The following DNAH14 variants were observed in gnomAD, a reference collection of about 807,000 sequenced individuals.
DNAH14 encodes axonemal beta dynein heavy chain 14.
A neutral mutation model predicts 520.9 loss-of-function variants in DNAH14; 478 were observed. The observed-to-expected ratio is 0.92, with a 90% confidence interval of 0.85 to 0.99. The LOEUF (loss-of-function observed/expected upper bound fraction) is 0.99. Ranked by LOEUF, DNAH14 falls within the 50% of genes least tolerant of loss-of-function variation. DNAH14 has a pLI of 0.00. For missense variants in DNAH14, 4,831 were observed against 5,234.5 expected, an observed-to-expected ratio of 0.92 and a Z score of 2.38; for synonymous variants, 1,581 against 1,757.2, an observed-to-expected ratio of 0.90 and a Z score of 2.51.
intron 77 of DNAH14, among the ~76,000 whole-genome samples, chr1:225,369,367 T>A (rs2095589833): frequency 6.6e-6 from 1 of 151,926 alleles, no homozygotes; most frequent in Admixed American, 6.6e-5. Context: ...AATGAAGAAA[T>A]TTTGAAATTA....
intron 42 of DNAH14, among the ~76,000 whole-genome samples, chr1:225,234,231 C>T (rs1301940253): frequency 6.6e-6 from 1 of 151,974 alleles, no homozygotes; most frequent in Non-Finnish European, 1.5e-5. Flanking sequence ...TGATGCTACC[C>T]AGGCTGGAGT....
At chr1:225,086,157 G>A (rs1362439613) in intron 21 of DNAH14, among the ~76,000 whole-genome samples, 1 of 151,516 alleles carries the variant, frequency 6.6e-6, no homozygotes. Flanking sequence ...TTTTGAGACA[G>A]AGTCTTACTC....
rs1558324129 is a variant in DNAH14 at position 225,305,005 on chromosome 1, A to AT, written c.8922dup (p.Thr2975TyrfsTer5). ...TTTGAAGAAACTGGAAGATTTTATT[A>AT]TACCACTCCCAATAGCTACTTGCAA... On this transcript the variant is annotated frameshift_variant, in exon 58 of 86. Coordinates refer to ENST00000682510, the MANE Select transcript of DNAH14 (RefSeq NM_001367479.1). LOFTEE classifies it high-confidence loss of function. 6.5e-7 allele frequency: 1 copy of AT among 1,547,188 alleles called. No individual in the cohort carries two copies. The highest frequency in any genetic ancestry group is 8.7e-7 in the Non-Finnish European group (1 of 1,146,034).
At chr1:225,357,423 A>C (rs2095442467) in intron 73 of DNAH14, among the ~76,000 whole-genome samples, 1 of 152,136 alleles carries the variant, frequency 6.6e-6, no homozygotes, top group Non-Finnish European at 1.5e-5. Flanking sequence ...CATTGGTGAC[A>C]AAAAAATTAT....
At position 224,929,810 on chromosome 1, in the gene DNAH14, A is replaced by G. The variant is rs1442150402; in HGVS notation, c.-59A>G. 1 of 696,486 alleles carries G rather than the reference A, an allele frequency of 1.4e-6. No individual in the cohort carries two copies. 43.1% of individuals were successfully genotyped at this position (696,486 alleles called of 1,614,324 possible). A position where few individuals can be genotyped will look rare whatever the true frequency, so the allele number is the denominator to read the frequency against. ...TTCGCCGCTTCCAGGAAGGGCCACAACGGCCGTCGGACCACGGCGCGGCGG... is the reference window on the plus strand; with the variant it reads ...TTCGCCGCTTCCAGGAAGGGCCACAGCGGCCGTCGGACCACGGCGCGGCGG... On this transcript the variant is annotated 5_prime_UTR_variant, in exon 1 of 86. Transcript: ENST00000682510.
intron 27 of DNAH14, among the ~76,000 whole-genome samples, chr1:225,137,044 T>TCCTG (rs1312869853): frequency 2.0e-5 from 3 of 152,322 alleles, no homozygotes; most frequent in African/African-American, 7.2e-5. Flanking sequence ...GGCTATCAGC[T>TCCTG]CCTGCATTGT....
At chr1:225,012,562 C>T (rs554346784) in intron 10 of DNAH14, among the ~76,000 whole-genome samples, 2 of 152,208 alleles carry the variant, frequency 1.3e-5, no homozygotes, top group Non-Finnish European at 2.9e-5. Flanking sequence ...TGTTTTCCCA[C>T]TGGGTTCCGT....
chr1:225,016,572 T>A (rs2065231773), intron 10 of DNAH14, among the ~76,000 whole-genome samples: 1 of 152,188 alleles, frequency 6.6e-6, no homozygotes, highest in South Asian at 2.1e-4. Context: ...TTATTAGACC[T>A]GGATGTTCAT....
chr1:225,348,810 G>A (rs954481877), intron 71 of DNAH14, among the ~76,000 whole-genome samples: 1 of 152,162 alleles, frequency 6.6e-6, no homozygotes, highest in Non-Finnish European at 1.5e-5. Context: ...AGGTAAATAT[G>A]TGGATAAAGA....
At chr1:224,981,041 A>C (rs538464006) in intron 8 of DNAH14, among the ~76,000 whole-genome samples, 54 of 151,254 alleles carry the variant, frequency 3.6e-4, no homozygotes, top group African/African-American at 1.2e-3. Context: ...CTTTTTCTGC[A>C]TCTATTGAGA....
intron 36 of DNAH14, among the ~76,000 whole-genome samples, chr1:225,172,478 CAGAG>C (rs1001060630): frequency 1.3e-5 from 2 of 152,108 alleles, no homozygotes; most frequent in Admixed American, 1.3e-4. Flanking sequence ...AACAGACAAA[CAGAG>C]AGCCAAATCA....
At chr1:225,250,665 A>AC (rs1171718059) in intron 43 of DNAH14, 9 of 560,226 alleles carry the variant, frequency 1.6e-5, no homozygotes, top group Non-Finnish European at 2.6e-5. Context: ...GGATGGAAGC[A>AC]CTGGGGTCAG....
chr1:225,350,002 T>G (rs1034947718), intron 71 of DNAH14, among the ~76,000 whole-genome samples: 2 of 152,140 alleles, frequency 1.3e-5, no homozygotes, highest in African/African-American at 4.8e-5. Flanking sequence ...TATACATTCT[T>G]CTTAAGTGCA....
At chr1:225,278,706 A>G (rs10465526) in intron 54 of DNAH14, among the ~76,000 whole-genome samples, 5,545 of 152,254 alleles carry the variant, frequency 0.036, 308 homozygotes, top group African/African-American at 0.12. Flanking sequence ...TAAAGTGTAT[A>G]TGCTCTGTTT....
Position 225,079,742 on chromosome 1 carries a change from C to T in DNAH14, c.2766+194C>T, listed in dbSNP as rs998147660. 4.2e-5 allele frequency among the ~76,000 whole-genome samples: 6 copies of T among 143,506 alleles called. No individual in the cohort carries two copies. In the East Asian group the frequency reaches 6.3e-4, roughly 15 times the overall value. The allele number at this position is 143,506 out of a possible 152,430, so 94.1% of individuals were successfully genotyped here. A position where few individuals can be genotyped will look rare whatever the true frequency, so the allele number is the denominator to read the frequency against. On this transcript the variant is annotated intron_variant, in intron 18 of 85. Coordinates refer to ENST00000682510, the MANE Select transcript of DNAH14 (RefSeq NM_001367479.1). ...AGGCTGGACTGCAGTGGCGCAATCT[C>T]GGCTCACTGCAAGCTCCGCCTCCCG...
chr1:225,155,271 C>CA, intron 34 of DNAH14, among the ~76,000 whole-genome samples: 1 of 151,938 alleles, frequency 6.6e-6, no homozygotes, highest in East Asian at 1.9e-4. Context: ...GAATATGTTG[C>CA]AAAAGGATCT....
intron 17 of DNAH14, among the ~76,000 whole-genome samples, chr1:225,078,063 T>A (rs1558880429): frequency 6.6e-6 from 1 of 152,112 alleles, no homozygotes; most frequent in Non-Finnish European, 1.5e-5. Context: ...TATGAAAAAA[T>A]TTTAGTTCCA....
intron 26 of DNAH14, among the ~76,000 whole-genome samples, chr1:225,121,293 A>G (rs1469656643): frequency 1.3e-5 from 2 of 152,130 alleles, no homozygotes; most frequent in Non-Finnish European, 2.9e-5. Flanking sequence ...GCTATTGCGA[A>G]ACATACATTA....
At chr1:224,953,456 C>T (rs1288208426) in intron 2 of DNAH14, among the ~76,000 whole-genome samples, 1 of 151,892 alleles carries the variant, frequency 6.6e-6, no homozygotes, top group Non-Finnish European at 1.5e-5. Flanking sequence ...ATTGAGAATT[C>T]AACAAAATTT....
Sources: gnomAD v4.1 joint callset for allele counts (sites outside exome capture counted in the v4.1 genomes callset) on GRCh38, gnomAD v4.1.1 for gene constraint, MANE v1.5 for transcripts, NCBI Gene and HGNC (gene_info 2026-07-23, HGNC 2026-07-21) for gene names.